The following PPP2R2B variants were observed in gnomAD, a reference collection of about 807,000 sequenced individuals.
PPP2R2B encodes the protein serine/threonine-protein phosphatase 2A 55 kDa regulatory subunit B beta isoform.
A neutral mutation model predicts 46.0 loss-of-function variants in PPP2R2B; 5 were observed. The observed-to-expected ratio is 0.11, with a 90% CI of 0.06 to 0.23. PPP2R2B has a LOEUF of 0.23. Among genes scored for constraint, PPP2R2B ranks in the 10% least tolerant of loss-of-function variants. PPP2R2B has a pLI of 1.00. For synonymous variants in PPP2R2B, 215 were observed against 206.7 expected, an observed-to-expected ratio of 1.04 and a Z score of -0.34; for missense variants, 367 against 575.0, an observed-to-expected ratio of 0.64 and a Z score of 3.70.
chr5:146,813,712 C>T (rs1172117101), intron 2 of PPP2R2B, among the ~76,000 whole-genome samples: 2 of 152,218 alleles, frequency 1.3e-5, no homozygotes, highest in Admixed American at 6.5e-5. Flanking sequence ...GTTATTAGAA[C>T]ACCTGCTGTC....
Position 146,865,293 on chromosome 5 carries a change from G to GACACAC in PPP2R2B, c.70+12703_70+12708dup, listed in dbSNP as rs36219835. ...TCCATTCATCTCTCTCTTTGTCTCTGACACACACACACACACACACACACA... is the reference window on the plus strand; with the variant it reads ...TCCATTCATCTCTCTCTTTGTCTCTGACACACACACACACACACACACACACACACA... On this transcript the variant is annotated intron_variant, in intron 2 of 9. Transcript: ENST00000394411. Among the ~76,000 whole-genome samples the GACACAC allele has an allele frequency of 3.0e-3, 443 of 146,010 alleles. 4 individuals carry two copies. Among genetic ancestry groups the GACACAC allele is most frequent in the Middle Eastern group, 0.018 (5 of 284 alleles).
intron 2 of PPP2R2B, among the ~76,000 whole-genome samples, chr5:146,838,071 G>A (rs1039107173): frequency 9.2e-5 from 14 of 152,058 alleles, no homozygotes; most frequent in Admixed American, 1.3e-4. Context: ...GTCCTATGGC[G>A]TTAAAGAAAT....
intron 1 of PPP2R2B, among the ~76,000 whole-genome samples, chr5:146,905,094 C>T (rs933254104): frequency 2.0e-5 from 3 of 152,016 alleles, no homozygotes; most frequent in South Asian, 2.1e-4. Flanking sequence ...AAGTTAAAAC[C>T]GCAATGAAAT....
intron 1 of PPP2R2B, among the ~76,000 whole-genome samples, chr5:146,976,827 T>C (rs1240983792): frequency 2.0e-5 from 3 of 152,092 alleles, no homozygotes; most frequent in Non-Finnish European, 4.4e-5. Flanking sequence ...TTCCTGAAAA[T>C]TTTACTATGA....
At chr5:146,701,736 C>T (rs1164106711) in intron 2 of PPP2R2B, among the ~76,000 whole-genome samples, 1 of 152,194 alleles carries the variant, frequency 6.6e-6, no homozygotes, top group African/African-American at 2.4e-5. Context: ...TCTGGAAGAG[C>T]ATGACTTATT....
At chr5:146,990,174 T>A (rs1474074670) in intron 1 of PPP2R2B, among the ~76,000 whole-genome samples, 9 of 151,674 alleles carry the variant, frequency 5.9e-5, no homozygotes, top group South Asian at 2.1e-4. Flanking sequence ...ATCTTCAAAT[T>A]CAGTGCAATT....
At chr5:146,751,168 GAGA>G (rs1318004712) in intron 2 of PPP2R2B, 2 of 152,252 alleles carry the variant, frequency 1.3e-5, no homozygotes, top group African/African-American at 2.4e-5. Flanking sequence ...AGGTACTCTT[GAGA>G]AGGTTAATTC....
At chr5:146,713,016 GAA>G (rs1780294353) in intron 2 of PPP2R2B, among the ~76,000 whole-genome samples, 1 of 152,144 alleles carries the variant, frequency 6.6e-6, no homozygotes, top group Non-Finnish European at 1.5e-5. Context: ...GTGGAGAAAA[GAA>G]AATCATCAAT....
At chr5:146,727,604 C>T (rs887820128) in intron 2 of PPP2R2B, among the ~76,000 whole-genome samples, 1 of 151,948 alleles carries the variant, frequency 6.6e-6, no homozygotes, top group Non-Finnish European at 1.5e-5. Context: ...GCAGTAACAG[C>T]CCGGACTTCA....
chr5:147,034,145 C>T (rs986047925), intron 1 of PPP2R2B, among the ~76,000 whole-genome samples: 2 of 152,128 alleles, frequency 1.3e-5, no homozygotes, highest in Non-Finnish European at 2.9e-5. Context: ...ATAGTAAGCT[C>T]ATTATTGCTT....
chr5:146,604,252 T>C (rs570467517), intron 7 of PPP2R2B, among the ~76,000 whole-genome samples: 12 of 152,312 alleles, frequency 7.9e-5, no homozygotes, highest in Admixed American at 4.6e-4. Context: ...GGAACACCAG[T>C]GTGTGTTCCA....
At chr5:147,006,558 A>G (rs1161159508) in intron 1 of PPP2R2B, among the ~76,000 whole-genome samples, 1 of 152,192 alleles carries the variant, frequency 6.6e-6, no homozygotes, top group Admixed American at 6.5e-5. Context: ...GGCTACTGCT[A>G]CAGAAACCAG....
intron 2 of PPP2R2B, among the ~76,000 whole-genome samples, chr5:146,766,390 C>T (rs779035019): frequency 9.9e-5 from 15 of 152,176 alleles, no homozygotes; most frequent in Non-Finnish European, 1.6e-4. Context: ...TATTCCACCC[C>T]AAATAAACCG....
At chr5:146,739,126 C>T (rs185619753) in intron 2 of PPP2R2B, among the ~76,000 whole-genome samples, 93 of 152,008 alleles carry the variant, frequency 6.1e-4, no homozygotes, top group African/African-American at 2.1e-3. Flanking sequence ...CTCAAGTGAT[C>T]CCCCATCCCC....
intron 2 of PPP2R2B, chr5:146,856,484 T>C (rs956127225): frequency 1.3e-6 from 2 of 1,548,542 alleles, no homozygotes; most frequent in Admixed American, 3.3e-5. Flanking sequence ...TAGGTATAAA[T>C]AATAATACGA....
chr5:147,031,759 G>A (rs181100227), intron 1 of PPP2R2B, among the ~76,000 whole-genome samples: 23 of 152,220 alleles, frequency 1.5e-4, no homozygotes, highest in African/African-American at 4.8e-4. Context: ...ACAGTCAACT[G>A]ATCTTCCACA....
chr5:146,870,338 A>G (rs1431984296), intron 2 of PPP2R2B, among the ~76,000 whole-genome samples: 1 of 152,214 alleles, frequency 6.6e-6, no homozygotes, highest in Non-Finnish European at 1.5e-5. Context: ...AAATGAGGTC[A>G]TAAGGATAAG....
intron 1 of PPP2R2B, among the ~76,000 whole-genome samples, chr5:146,910,067 A>G (rs1242911362): frequency 6.6e-6 from 1 of 152,178 alleles, no homozygotes; most frequent in Non-Finnish European, 1.5e-5. Flanking sequence ...TAATGTTGAG[A>G]TAGTCCATTC....
chr5:146,881,116 A>G (rs1407950326), upstream of PPP2R2B, among the ~76,000 whole-genome samples: 1 of 152,164 alleles, frequency 6.6e-6, no homozygotes, highest in Non-Finnish European at 1.5e-5. Flanking sequence ...ATCAGTCTTC[A>G]AAAGACTCAC....
Sources: allele counts gnomAD v4.1 joint callset (sites outside exome capture counted in the v4.1 genomes callset), GRCh38; gene constraint gnomAD v4.1.1; transcripts MANE v1.5; gene names NCBI Gene and HGNC (gene_info 2026-07-23, HGNC 2026-07-21).